SHROOM4: variants seen among roughly 807,000 people sequenced by gnomAD.
The protein encoded by SHROOM4 is protein Shroom4.
In SHROOM4, 17 loss-of-function variants were observed where a neutral mutation model predicts 80.3. That is an observed-to-expected ratio of 0.21 (90% CI 0.14 to 0.32). SHROOM4 has a LOEUF of 0.32. SHROOM4 is among the 10% of genes least tolerant of loss of function. The pLI is 1.00. For synonymous variants in SHROOM4, 400 were observed against 437.5 expected (o/e 0.91, Z 1.07); for missense variants, 993 against 1,140.3 (o/e 0.87, Z 1.86).
At chrX:50,615,671 CT>C (rs1930205685) in intron 5 of SHROOM4, among the ~76,000 whole-genome samples, 1 of 111,290 alleles carries the variant, frequency 9.0e-6, no homozygotes, top group Admixed American at 9.5e-5. Context: ...AAAGTTAGAT[CT>C]TTTTTACTGT....
intron 2 of SHROOM4, among the ~76,000 whole-genome samples, chrX:50,648,278 A>T (rs1410089959): frequency 8.9e-6 from 1 of 111,906 alleles, no homozygotes; most frequent in Non-Finnish European, 1.9e-5. Context: ...TGAGGAAAAA[A>T]GAATGAGCTA....
intron 1 of SHROOM4, among the ~76,000 whole-genome samples, chrX:50,788,377 G>A (rs1433432450): frequency 1.8e-5 from 2 of 111,210 alleles, no homozygotes; most frequent in Admixed American, 9.5e-5. Context: ...CACAAAAGAA[G>A]ACATTACAAA....
At chrX:50,808,633 A>G (rs1175824129) in intron 1 of SHROOM4, among the ~76,000 whole-genome samples, 2 of 110,556 alleles carry the variant, frequency 1.8e-5, no homozygotes, top group African/African-American at 6.6e-5. Context: ...GTTCTAAAGA[A>G]GTCTAACTAT....
rs1928797743 is a variant in SHROOM4, at chrX:50,588,216, G to A, written c.*8479C>T. ...TTTACTTACAGTGGGGAACTCCTAA[G>A]GCTGAAACATTTTATCTGCAGGTCC... is the stretch of plus-strand genomic sequence containing the variant. On this transcript the variant is annotated 3_prime_UTR_variant, in exon 9 of 9. Transcript: ENST00000376020. Among the ~76,000 whole-genome samples the A allele has an allele frequency of 9.0e-6, 1 of 111,376 alleles. No homozygotes were observed. Among genetic ancestry groups the A allele is most frequent in the South Asian group, 3.8e-4 (1 of 2,612 alleles).
At chrX:50,576,822 G>A in the SHROOM4 span, among the ~76,000 whole-genome samples, 1 of 111,139 alleles carries the variant, frequency 9.0e-6, no homozygotes, top group Non-Finnish European at 1.9e-5. Context: ...ACATTTTAAC[G>A]GTTTGAGTGA....
chrX:50,752,493 A>G (rs782773195), intron 1 of SHROOM4, among the ~76,000 whole-genome samples: 1 of 111,565 alleles, frequency 9.0e-6, no homozygotes, highest in East Asian at 2.8e-4. Context: ...CATGAAAAAT[A>G]CTACTCTACC....
At chrX:50,736,540 A>C (rs781825788) in intron 1 of SHROOM4, among the ~76,000 whole-genome samples, 2 of 111,978 alleles carry the variant, frequency 1.8e-5, no homozygotes, top group Non-Finnish European at 3.8e-5. Context: ...TAGTTTGCTG[A>C]GGATAATGGC....
At position 50,795,100 on chromosome X, in the gene SHROOM4, TG is replaced by T. The variant is rs1248555403; in HGVS notation, c.117+18801del. Among the ~76,000 whole-genome samples the T allele has an allele frequency of 1.5e-3, 82 of 55,075 alleles. 6 individuals are homozygous for T. Among genetic ancestry groups the T allele is most frequent in the African/African-American group, 3.6e-3 (35 of 9,686 alleles). 47.8% of individuals were successfully genotyped at this position (55,075 alleles called of 115,157 possible). On this transcript the variant is annotated intron_variant, in intron 1 of 8. Transcript: ENST00000376020. Reference sequence around the variant, plus strand: ...GATATATATATATGATATATATATATGATATATATATATGATATATATATAT... The same window carrying T: ...GATATATATATATGATATATATATATATATATATATATGATATATATATAT...
intron 2 of SHROOM4, among the ~76,000 whole-genome samples, chrX:50,679,025 T>C (rs1932892253): frequency 9.0e-6 from 1 of 111,613 alleles, no homozygotes; most frequent in African/African-American, 3.2e-5. Context: ...TTTTCAATAT[T>C]CATCCAACTA....
chrX:50,723,691 C>G (rs1557265663), intron 1 of SHROOM4, among the ~76,000 whole-genome samples: 1 of 111,028 alleles, frequency 9.0e-6, no homozygotes, highest in Non-Finnish European at 1.9e-5. Flanking sequence ...GTAACTCTTA[C>G]AGTGGAGGGT....
intron 2 of SHROOM4, among the ~76,000 whole-genome samples, chrX:50,659,768 C>A (rs1259531758): frequency 9.0e-6 from 1 of 111,540 alleles, no homozygotes; most frequent in Non-Finnish European, 1.9e-5. Context: ...TGTCCTTGGG[C>A]TAGTTATTTA....
chrX:50,738,972 C>G (rs1289091886), intron 1 of SHROOM4, among the ~76,000 whole-genome samples: 2 of 111,477 alleles, frequency 1.8e-5, no homozygotes, highest in East Asian at 5.6e-4. Flanking sequence ...GGTACTGCTA[C>G]CAAAACAGAG....
intron 1 of SHROOM4, among the ~76,000 whole-genome samples, chrX:50,739,492 G>A (rs1934593901): frequency 9.2e-6 from 1 of 108,693 alleles, no homozygotes; most frequent in Admixed American, 9.9e-5. Context: ...CAAGAAAAAA[G>A]CAAACAACCC....
Position 50,700,064 on chromosome X carries a change from G to GA in SHROOM4, c.118-4128dup, listed in dbSNP as rs1239567662. Among the ~76,000 whole-genome samples, 25 of 111,530 alleles carry GA rather than the reference G, an allele frequency of 2.2e-4. No homozygotes were observed. The South Asian group carries it at 2.7e-3, about 12-fold the overall frequency. On this transcript the variant is annotated intron_variant, in intron 1 of 8. Transcript: ENST00000376020. ...TCTGCCTGCTACAGGAAATTTATTG[G>GA]AAAAAATGGGCATCAACTGAAACTT...
chrX:50,697,847 C>A (rs1440639806), intron 1 of SHROOM4, among the ~76,000 whole-genome samples: 2 of 111,994 alleles, frequency 1.8e-5, no homozygotes, highest in Non-Finnish European at 3.8e-5. Flanking sequence ...TTCAGAAGTT[C>A]TATTTGAATG....
intron 1 of SHROOM4, among the ~76,000 whole-genome samples, chrX:50,750,349 G>A (rs1317077341): frequency 3.6e-5 from 4 of 111,726 alleles, no homozygotes; most frequent in East Asian, 2.8e-4. Context: ...AACCTTCGCC[G>A]CCTGGGTTCA....
intron 1 of SHROOM4, among the ~76,000 whole-genome samples, chrX:50,806,219 G>A (rs1160901545): frequency 8.9e-5 from 10 of 111,924 alleles, no homozygotes; most frequent in African/African-American, 3.3e-4. Context: ...TGTCTCTGTT[G>A]CTACTAGGCA....
intron 1 of SHROOM4, among the ~76,000 whole-genome samples, chrX:50,777,666 T>C (rs1442899632): frequency 8.9e-6 from 1 of 111,963 alleles, no homozygotes; most frequent in African/African-American, 3.2e-5. Flanking sequence ...ATATTACTTT[T>C]ATAATCAAAA....
intron 7 of SHROOM4, among the ~76,000 whole-genome samples, chrX:50,601,742 T>C (rs1557247674): frequency 8.9e-6 from 1 of 112,266 alleles, no homozygotes; most frequent in Admixed American, 9.4e-5. Context: ...TAAGACATAA[T>C]TGACTATCCT....
Sources: allele counts gnomAD v4.1 joint callset (sites outside exome capture counted in the v4.1 genomes callset), GRCh38; gene constraint gnomAD v4.1.1; transcripts MANE v1.5; gene names NCBI Gene and HGNC (gene_info 2026-07-23, HGNC 2026-07-21).